The following NFE2L2 variants were observed in gnomAD, a reference collection of about 807,000 sequenced individuals.
The protein encoded by NFE2L2 is nuclear factor erythroid 2-related factor 2.
Under a neutral mutation model 49.6 loss-of-function variants are expected in NFE2L2, and 20 were observed. The observed-to-expected ratio is 0.40, with a 90% CI of 0.28 to 0.59. The LOEUF (loss-of-function observed/expected upper bound fraction) is 0.59. Among genes scored for constraint, NFE2L2 ranks in the 20% least tolerant of loss-of-function variants. The pLI, the probability that NFE2L2 is intolerant of heterozygous loss-of-function variation, is 0.40. For missense variants in NFE2L2, 578 were observed against 714.2 expected (o/e 0.81, Z 2.17); for synonymous variants, 244 against 256.5 (o/e 0.95, Z 0.47).
Position 177,231,038 on chromosome 2 carries a change from A to G in NFE2L2, c.1565T>C (p.Ile522Thr). The G allele has an allele frequency of 2.5e-6, 4 of 1,613,982 alleles. No homozygotes were observed. The highest frequency in any genetic ancestry group is 2.5e-6 in the Non-Finnish European group (3 of 1,180,014). ...QNCRKRKLEN[I>T]VELEQDLDHL... Reference sequence around the variant, plus strand: ...ATCTAAATCTTGCTCTAGTTCTACTATATTTTCCAGTTTTCTTTTTCTGCA... The same window carrying G: ...ATCTAAATCTTGCTCTAGTTCTACTGTATTTTCCAGTTTTCTTTTTCTGCA... Residue 522 changes from isoleucine (I) to threonine (T), a missense_variant, in exon 5 of 5, where the codon ATA becomes ACA. Physicochemically the swap from Ile to Thr is moderately conservative, Grantham distance 89. Coordinates refer to ENST00000397062, the MANE Select transcript of NFE2L2 (RefSeq NM_006164.5).
At chr2:177,232,145 C>T (rs2105454695) in intron 4 of NFE2L2, 137 bp from the exon 5 acceptor site, 1 of 1,004,660 alleles carries the variant, frequency 1.0e-6, no homozygotes, top group Non-Finnish European at 1.4e-6. Flanking sequence ...AGAGATAATT[C>T]TCATTTCCAA....
intron 1 of NFE2L2, among the ~76,000 whole-genome samples, chr2:177,254,600 G>C (rs1690451855): frequency 6.6e-6 from 1 of 152,186 alleles, no homozygotes; most frequent in Non-Finnish European, 1.5e-5. Flanking sequence ...GCTCCAAAGA[G>C]AAGTCCAGCC....
intron 1 of NFE2L2, among the ~76,000 whole-genome samples, chr2:177,255,706 T>C (rs915220304): frequency 6.6e-6 from 1 of 152,096 alleles, no homozygotes; most frequent in Non-Finnish European, 1.5e-5. Context: ...ATTGCAGGTG[T>C]GCACCACTGG....
In NFE2L2 at chr2:177,230,892, C is replaced by T. The variant is rs2105450969; in HGVS notation, c.1711G>A (p.Glu571Lys). ...CTAGGAGAATAAGGTTTTCCATCTT[C>T]ATCACGTAGCATGCTGAAAACTTCG... ...YLEVFSMLRD[E>K]DGKPYSPSEY... The change falls in exon 5 of 5, where the codon GAA becomes AAA. Residue 571 changes from glutamate to lysine, a missense_variant. Physicochemically the swap from Glu to Lys is moderately conservative, Grantham distance 56. Transcript: ENST00000397062. The T allele has an allele frequency of 3.1e-6, 5 of 1,614,028 alleles. No homozygotes were observed. The highest frequency in any genetic ancestry group is 4.2e-6 in the Non-Finnish European group (5 of 1,179,998).
intron 1 of NFE2L2, among the ~76,000 whole-genome samples, chr2:177,241,747 T>G (rs531040044): frequency 2.0e-5 from 3 of 152,232 alleles, no homozygotes; most frequent in African/African-American, 7.2e-5. Context: ...CCCAGCTACT[T>G]GGGAAACTGA....
Position 177,235,914 on chromosome 2 carries a change from T to C in NFE2L2, c.46-1643A>G, listed in dbSNP as rs565445295. Among the ~76,000 whole-genome samples the C allele has an allele frequency of 1.2e-4, 19 of 152,332 alleles. No homozygotes were observed. The East Asian group carries it at 3.3e-3, about 26-fold the overall frequency. On this transcript the variant is annotated intron_variant, in intron 1 of 4. Coordinates refer to ENST00000397062, the MANE Select transcript of NFE2L2 (RefSeq NM_006164.5). ...ATTTTCCTAACCAAAAATGTGTCAA[T>C]AGCAGTTTTTCTGATTTGTAATTTT...
Position 177,263,663 on chromosome 2 carries a change from C to CA in NFE2L2, c.45+868dup, listed in dbSNP as rs1690827195. On this transcript the variant is annotated intron_variant, in intron 1 of 4. Coordinates refer to ENST00000397062, the MANE Select transcript of NFE2L2 (RefSeq NM_006164.5). ...GCGCGCGGTGAGCGCCACCAGGGGG[C>CA]ACCGCGTCCGAACTAGAAGCCCCGG... The CA allele has an allele frequency of 3.0e-6, 3 of 985,408 alleles. No individual in the cohort carries two copies. In the South Asian group the frequency reaches 1.4e-4, roughly 46 times the overall value. The allele number at this position is 985,408 out of a possible 1,614,324, so 61.0% of individuals were successfully genotyped here.
At chr2:177,237,878 A>G (rs961072016) in intron 1 of NFE2L2, among the ~76,000 whole-genome samples, 2 of 152,192 alleles carry the variant, frequency 1.3e-5, no homozygotes, top group African/African-American at 4.8e-5. Context: ...AAATCTAGAT[A>G]CATAGCAGGG....
chr2:177,232,624 C>A, intron 3 of NFE2L2, 41 bp from the exon 4 acceptor site: 1 of 1,594,606 alleles, frequency 6.3e-7, no homozygotes, highest in Non-Finnish European at 8.6e-7. Context: ...CTTCCACCAA[C>A]AGGGGATGAG....
chr2:177,261,118 C>T (rs1690719778), intron 1 of NFE2L2, among the ~76,000 whole-genome samples: 1 of 145,838 alleles, frequency 6.9e-6, no homozygotes, highest in African/African-American at 2.6e-5. Flanking sequence ...CTGCAGTGAG[C>T]CAAGATCAGG....
At chr2:177,250,701 TA>T (rs1232135965) in intron 1 of NFE2L2, among the ~76,000 whole-genome samples, 1 of 152,204 alleles carries the variant, frequency 6.6e-6, no homozygotes, top group African/African-American at 2.4e-5. Flanking sequence ...AGGTTTATCT[TA>T]AAGAACCAGA....
intron 1 of NFE2L2, among the ~76,000 whole-genome samples, chr2:177,248,101 G>A (rs1216902715): frequency 2.6e-5 from 4 of 152,128 alleles, no homozygotes; most frequent in African/African-American, 2.4e-5. Context: ...CGTGGAGACC[G>A]CAGTTCAAAC....
In NFE2L2 at chr2:177,231,989, T is replaced by C; in HGVS notation, c.614A>G (p.Asp205Gly). The change falls in exon 5 of 5, where the codon GAC (aspartate) becomes GGC (glycine). Residue 205 changes from aspartate to glycine, a missense_variant. Asp to Gly is a moderately conservative substitution (Grantham distance 94). Around this residue, in one of 3 missense-constraint regions of NFE2L2, gnomAD observed 368 missense variants for 384.6 expected, o/e 0.96. Transcript: ENST00000397062. The part of the protein sequence containing the change: ...PELQCLNIEN[D>G]KLVETTMVPS... ...AACCATGGTAGTCTCAACCAGCTTG[T>C]CATTTTCAATATTAAGACACTGCAT... 1 of 1,608,612 alleles carries C rather than the reference T, an allele frequency of 6.2e-7. No homozygotes were observed. The highest frequency in any genetic ancestry group is 8.5e-7 in the Non-Finnish European group (1 of 1,177,340).
chr2:177,255,868 G>GT (rs1004125645), intron 1 of NFE2L2: 4 of 152,124 alleles, frequency 2.6e-5, no homozygotes, highest in East Asian at 1.9e-4. Flanking sequence ...GCCTACGGTT[G>GT]TTTTTTCTAT....
chr2:177,237,475 GT>G (rs1689789232), intron 1 of NFE2L2, among the ~76,000 whole-genome samples: 1 of 152,180 alleles, frequency 6.6e-6, no homozygotes. Flanking sequence ...TTACCCAAAG[GT>G]TATCATGGGA....
chr2:177,260,705 C>G (rs1690700140), intron 1 of NFE2L2, among the ~76,000 whole-genome samples: 1 of 151,978 alleles, frequency 6.6e-6, no homozygotes, highest in African/African-American at 2.4e-5. Flanking sequence ...TTGAGCACTA[C>G]TTCAAAACAA....
chr2:177,250,813 TG>T (rs1268125869), intron 1 of NFE2L2, among the ~76,000 whole-genome samples: 1 of 152,188 alleles, frequency 6.6e-6, no homozygotes, highest in Non-Finnish European at 1.5e-5. Context: ...CCTAGCTGCG[TG>T]GGTAACTGTG....
chr2:177,261,170 C>CAAAAAAAAAAA (rs59040355), intron 1 of NFE2L2, among the ~76,000 whole-genome samples: 3 of 120,100 alleles, frequency 2.5e-5, no homozygotes, highest in African/African-American at 6.4e-5. Flanking sequence ...GACTTCATCT[C>CAAAAAAAAAAA]AAAAAAAAAA....
intron 1 of NFE2L2, among the ~76,000 whole-genome samples, chr2:177,244,410 C>T (rs1320692171): frequency 6.6e-6 from 1 of 152,044 alleles, no homozygotes; most frequent in Non-Finnish European, 1.5e-5. Flanking sequence ...AATCCATCTA[C>T]CCATCAGATA....
Sources: allele counts gnomAD v4.1 joint callset (sites outside exome capture counted in the v4.1 genomes callset), GRCh38; gene constraint gnomAD v4.1.1; regional missense constraint gnomAD v4.1.1; transcripts MANE v1.5; gene names NCBI Gene and HGNC (gene_info 2026-07-23, HGNC 2026-07-21).